DISP1: variants seen among roughly 807,000 people sequenced by gnomAD.
DISP1 encodes protein dispatched homolog 1.
Under a neutral mutation model 37.3 loss-of-function variants are expected in DISP1, and 30 were observed. The ratio of observed to expected loss-of-function variants is 0.80; its 90% CI spans 0.60 to 1.09. The LOEUF is 1.09. Among genes scored for constraint, DISP1 ranks in the 50% least tolerant of loss-of-function variants. The pLI is 0.00. For missense variants in DISP1, 1,598 were observed against 1,879.5 expected, an observed-to-expected ratio of 0.85 and a Z score of 2.77; for synonymous variants, 634 against 690.2, an observed-to-expected ratio of 0.92 and a Z score of 1.28.
intron 2 of DISP1, among the ~76,000 whole-genome samples, chr1:222,929,259 A>G (rs1344865379): frequency 1.3e-5 from 2 of 152,168 alleles, no homozygotes; most frequent in Non-Finnish European, 2.9e-5. Flanking sequence ...AATTCAAAAT[A>G]TATTTGCTGT....
At chr1:222,918,182 CA>C (rs1672601823) in intron 1 of DISP1, among the ~76,000 whole-genome samples, 2 of 152,164 alleles carry the variant, frequency 1.3e-5, no homozygotes, top group Admixed American at 1.3e-4. Flanking sequence ...AATTCTGTTT[CA>C]GGGGTGGGTC....
intron 2 of DISP1, among the ~76,000 whole-genome samples, chr1:222,934,875 A>T (rs1297401628): frequency 6.6e-6 from 1 of 152,188 alleles, no homozygotes; most frequent in African/African-American, 2.4e-5. Flanking sequence ...AGCCATAATT[A>T]AACTTGATTA....
chr1:222,979,729 G>T, intron 3 of DISP1: 1 of 464,736 alleles, frequency 2.2e-6, no homozygotes, highest in Non-Finnish European at 4.5e-6. Context: ...TCACTGGAGT[G>T]GCCCTGCACT....
chr1:222,950,421 A>T (rs1675124980), intron 3 of DISP1, among the ~76,000 whole-genome samples: 1 of 152,170 alleles, frequency 6.6e-6, no homozygotes, highest in African/African-American at 2.4e-5. Flanking sequence ...TAACACAGTG[A>T]AACCCCTTCT....
In DISP1 at chr1:222,941,804, A is replaced by G. The variant is rs535584585; in HGVS notation, c.-17-1003A>G. On this transcript the variant is annotated intron_variant, in intron 2 of 8. Coordinates refer to ENST00000675850, the MANE Select transcript of DISP1 (RefSeq NM_001377229.1). ...GATTCCTGCACAAGCCGTTTTGTCTACTTAGAGAATGGCATGCTAGAAGGG... is the reference window on the plus strand; with the variant it reads ...GATTCCTGCACAAGCCGTTTTGTCTGCTTAGAGAATGGCATGCTAGAAGGG... 1.1e-4 allele frequency among the ~76,000 whole-genome samples: 16 copies of G among 152,258 alleles called. No homozygotes were observed. In the East Asian group the frequency reaches 1.9e-3, roughly 18 times the overall value.
chr1:222,895,665 C>T (rs1283614162), intron 1 of DISP1, among the ~76,000 whole-genome samples: 9 of 152,114 alleles, frequency 5.9e-5, no homozygotes, highest in African/African-American at 1.4e-4. Context: ...CATACATGGC[C>T]GGCTGATTTT....
At chr1:222,909,497 G>C (rs1454735348) in intron 1 of DISP1, among the ~76,000 whole-genome samples, 1 of 151,960 alleles carries the variant, frequency 6.6e-6, no homozygotes, top group African/African-American at 2.4e-5. Flanking sequence ...ACATTTACTT[G>C]AACTTATCAT....
intron 1 of DISP1, among the ~76,000 whole-genome samples, chr1:222,843,151 C>T (rs191843993): frequency 3.8e-4 from 57 of 151,626 alleles, no homozygotes; most frequent in South Asian, 1.7e-3. Flanking sequence ...TTTGACTAAT[C>T]GGGGAAGCTA....
At chr1:222,891,858 G>T (rs1467537497) in intron 1 of DISP1, among the ~76,000 whole-genome samples, 3 of 150,984 alleles carry the variant, frequency 2.0e-5, no homozygotes, top group Non-Finnish European at 4.4e-5. Flanking sequence ...AGAAGAAGGA[G>T]TAAATATAAA....
chr1:222,863,826 G>A (rs1572369956), intron 1 of DISP1, among the ~76,000 whole-genome samples: 1 of 152,154 alleles, frequency 6.6e-6, no homozygotes, highest in African/African-American at 2.4e-5. Context: ...CTGTTCCTTT[G>A]TCCTTTTGCT....
intron 1 of DISP1, among the ~76,000 whole-genome samples, chr1:222,850,466 T>C (rs140761146): frequency 1.3e-5 from 2 of 152,298 alleles, no homozygotes; most frequent in Admixed American, 1.3e-4. Context: ...ATTTTAGTTT[T>C]GAGAGTACAT....
intron 1 of DISP1, among the ~76,000 whole-genome samples, chr1:222,818,911 C>A (rs1210666025): frequency 1.3e-5 from 2 of 152,192 alleles, no homozygotes; most frequent in Non-Finnish European, 2.9e-5. Context: ...CTGTATTAAA[C>A]TAATATGTGG....
chr1:222,962,654 A>G (rs945849519), intron 3 of DISP1, among the ~76,000 whole-genome samples: 2 of 152,188 alleles, frequency 1.3e-5, no homozygotes, highest in Non-Finnish European at 2.9e-5. Flanking sequence ...ATCTTCAACT[A>G]ATCTGACAAA....
chr1:222,889,767 T>C (rs1670841066), intron 1 of DISP1, among the ~76,000 whole-genome samples: 1 of 152,178 alleles, frequency 6.6e-6, no homozygotes, highest in South Asian at 2.1e-4. Flanking sequence ...CTGATTTCAT[T>C]ATCTTGAAAA....
At position 223,005,465 on chromosome 1, in the gene DISP1, C is replaced by T. The variant is rs767774464; in HGVS notation, c.4068C>T (p.Phe1356=). The T allele has an allele frequency of 1.9e-6, 3 of 1,613,568 alleles. No individual in the cohort carries two copies. Among genetic ancestry groups the T allele is most frequent in the East Asian group, 2.2e-5 (1 of 44,880 alleles). Residue 1356 remains phenylalanine (F), a synonymous_variant, in exon 9 of 9, where the codon TTC becomes TTT. Coordinates refer to ENST00000675850, the MANE Select transcript of DISP1 (RefSeq NM_001377229.1). Reference sequence around the variant, plus strand: ...AGAATTCTCTGCCTAGGAATTTTTTCCTCCACCCAGTGCAGCACATTCAGG... The same window carrying T: ...AGAATTCTCTGCCTAGGAATTTTTTTCTCCACCCAGTGCAGCACATTCAGG... ...GMQNSLPRNF[F]LHPVQHIQAQ...
At chr1:222,817,689 C>T (rs1661594211) in intron 1 of DISP1, among the ~76,000 whole-genome samples, 1 of 152,164 alleles carries the variant, frequency 6.6e-6, no homozygotes, top group South Asian at 2.1e-4. Context: ...TTTAGTAATA[C>T]TTTCTGTCCT....
At chr1:222,846,654 A>G (rs1252900410) in intron 1 of DISP1, among the ~76,000 whole-genome samples, 1 of 152,252 alleles carries the variant, frequency 6.6e-6, no homozygotes, top group Non-Finnish European at 1.5e-5. Context: ...GTAAAGATGC[A>G]TCTAAGGCTT....
At chr1:222,838,894 A>G (rs1667416547) in intron 1 of DISP1, among the ~76,000 whole-genome samples, 1 of 152,192 alleles carries the variant, frequency 6.6e-6, no homozygotes, top group Admixed American at 6.5e-5. Context: ...GTTTTAAAAA[A>G]CAATTTGTGG....
intron 8 of DISP1, among the ~76,000 whole-genome samples, chr1:222,998,709 G>A (rs549714765): frequency 6.6e-6 from 1 of 152,228 alleles, no homozygotes; most frequent in African/African-American, 2.4e-5. Context: ...TGGAAACCAT[G>A]TACTTGTTCC....
Sources: gnomAD v4.1 joint callset for allele counts (sites outside exome capture counted in the v4.1 genomes callset) on GRCh38, gnomAD v4.1.1 for gene constraint, MANE v1.5 for transcripts, NCBI Gene and HGNC (gene_info 2026-07-23, HGNC 2026-07-21) for gene names.